Variants in SNX20 observed in about 807,000 individuals in gnomAD.
SNX20 encodes sorting nexin-20.
In SNX20, 21 loss-of-function variants were observed where a neutral mutation model predicts 24.5. The observed-to-expected ratio is 0.86, with a 90% CI of 0.61 to 1.23. The LOEUF (loss-of-function observed/expected upper bound fraction) is 1.23, where lower values mean the gene tolerates loss of function less well. SNX20 is among the 50% of genes most tolerant of loss of function. SNX20 has a pLI of 0.00. For synonymous variants in SNX20, 206 were observed against 192.8 expected (o/e 1.07, Z -0.57); for missense variants, 433 against 430.8 (o/e 1.00, Z -0.04).
downstream of SNX20, chr16:50,671,533 A>G (rs990434480): frequency 6.6e-6 from 1 of 152,096 alleles, no homozygotes; most frequent in African/African-American, 2.4e-5. Context: ...TAAACTGTCC[A>G]TGTTGGGTAT....
At position 50,673,446 on chromosome 16, in the gene SNX20, A is replaced by G. The variant is rs368969544; in HGVS notation, c.911T>C (p.Ile304Thr). 4 of 1,591,718 alleles carry G rather than the reference A, an allele frequency of 2.5e-6. No individual in the cohort carries two copies. The highest frequency in any genetic ancestry group is 2.6e-6 in the Non-Finnish European group (3 of 1,170,052). ...TCGCACAGTGAGCTCCTTCAGGGTG[A>G]TGCCTCGGGGCGTGGGCCTCCGGAG... ...SQLRRPTPRG[I>T]TLKELTVREY... Residue 304 changes from isoleucine (I) to threonine (T), a missense_variant, in exon 4 of 4, where the codon ATC becomes ACC. Transcript: ENST00000330943. This position sits in a 1 kb window ranked among gnomAD's most constrained non-coding sequence, Gnocchi z 4.1.
downstream of SNX20, chr16:50,666,835 T>C (rs541813975): frequency 6.6e-6 from 1 of 152,252 alleles, no homozygotes; most frequent in African/African-American, 2.4e-5. Flanking sequence ...TCCTCTGAGG[T>C]TGCTGGAGCT....
chr16:50,670,670 G>A (rs1335373491), downstream of SNX20: 1 of 152,290 alleles, frequency 6.6e-6, no homozygotes, highest in African/African-American at 2.4e-5. Context: ...AGGAATTCAA[G>A]GACTTGTTCC....
intron 2 of SNX20, among the ~76,000 whole-genome samples, chr16:50,676,399 C>G (rs1005218641): frequency 6.6e-6 from 1 of 152,070 alleles, no homozygotes; most frequent in Admixed American, 6.5e-5. Context: ...CCTTCCTAAC[C>G]TTCTCATCTA....
At chr16:50,680,106 G>A (rs1437061570) in intron 1 of SNX20, among the ~76,000 whole-genome samples, 1 of 152,174 alleles carries the variant, frequency 6.6e-6, no homozygotes, top group East Asian at 1.9e-4. Context: ...TCTCTTACAG[G>A]TTTCATTGGG....
At chr16:50,674,603 A>G (rs1263726606) in intron 3 of SNX20, among the ~76,000 whole-genome samples, 1 of 152,130 alleles carries the variant, frequency 6.6e-6, no homozygotes, top group Non-Finnish European at 1.5e-5. Flanking sequence ...GAACAACAAC[A>G]CAGCAAGGTG....
intron 1 of SNX20, among the ~76,000 whole-genome samples, chr16:50,679,550 C>T (rs919165759): frequency 5.3e-5 from 8 of 152,218 alleles, no homozygotes; most frequent in African/African-American, 1.4e-4. Flanking sequence ...CAGGGCTGCA[C>T]GTTCTTGAGC....
At chr16:50,668,821 G>A (rs1243055999), downstream of SNX20, 2 of 1,291,582 alleles carry the variant, frequency 1.5e-6, no homozygotes. Flanking sequence ...CAGAGTTCCA[G>A]CTATGGGGAC....
At chr16:50,677,311 T>C (rs995599722) in intron 2 of SNX20, 86 bp downstream of exon 2, 7 of 1,427,788 alleles carry the variant, frequency 4.9e-6, no homozygotes, top group Non-Finnish European at 6.5e-6. Context: ...CCGGGCCTCT[T>C]GCTGCATCCC....
At chr16:50,669,152 T>A, downstream of SNX20, 1 of 1,197,862 alleles carries the variant, frequency 8.3e-7, no homozygotes, top group Non-Finnish European at 1.2e-6. Flanking sequence ...TCCCCATCTG[T>A]AAACAGAGGT....
At position 50,677,302 on chromosome 16, in the gene SNX20, C is replaced by T. The variant is rs1963202518; in HGVS notation, c.130+95G>A. 4.9e-6 allele frequency: 7 copies of T among 1,414,584 alleles called. No homozygotes were observed. In the South Asian group the frequency reaches 9.2e-5, roughly 19 times the overall value. 87.6% of individuals were successfully genotyped at this position (1,414,584 alleles called of 1,614,324 possible). A position where few individuals can be genotyped will look rare whatever the true frequency, so the allele number is the denominator to read the frequency against. On this transcript the variant is annotated intron_variant, in intron 2 of 3. Transcript: ENST00000330943. ...GATAACCCAAGTTACAAGAGCTGCC[C>T]GGGCCTCTTGCTGCATCCCCCAAAG...
chr16:50,669,248 A>C, downstream of SNX20: 1 of 688,932 alleles, frequency 1.5e-6, no homozygotes, highest in African/African-American at 1.8e-5. Flanking sequence ...TAAAGAAAAG[A>C]GGGTTATTTG....
Position 50,673,582 on chromosome 16 carries a change from C to T in SNX20, c.775G>A (p.Ala259Thr). 1 of 1,595,020 alleles carries T rather than the reference C, an allele frequency of 6.3e-7. No homozygotes were observed. Among genetic ancestry groups the T allele is most frequent in the African/African-American group, 1.4e-5 (1 of 73,374 alleles). Residue 259 changes from alanine to threonine, a missense_variant, in exon 4 of 4, where the codon GCC becomes ACC. Transcript: ENST00000330943. The surrounding 1 kb of genome is among the most constrained non-coding windows in gnomAD (Gnocchi z 4.1). ...AGERALQRLQ[A>T]REGHRYYAPL... ...GCATAGTAGCGATGGCCCTCCCGGG[C>T]CTGCAGGCGCTGCAGGGCCCTCTCT...
chr16:50,670,778 T>A (rs1963029647), downstream of SNX20: 1 of 152,194 alleles, frequency 6.6e-6, no homozygotes, highest in South Asian at 2.1e-4. Context: ...TCAGACAACT[T>A]GTAGTGGATG....
In SNX20 at chr16:50,674,026, C is replaced by A; in HGVS notation, c.331G>T (p.Ala111Ser). The A allele has an allele frequency of 6.2e-7, 1 of 1,610,084 alleles. No individual in the cohort carries two copies. The highest frequency in any genetic ancestry group is 8.5e-7 in the Non-Finnish European group (1 of 1,178,168). Reference protein sequence around the residue: ...IQTGSFDNNKAVLERRYSDFA... With the variant: ...IQTGSFDNNKSVLERRYSDFA... ...TCGGAATAGCGCCGTTCCAGGACGG[C>A]CTTGTTGTTGTCAAAGCTCCCAGTC... The change falls in exon 4 of 4, where the codon GCC (alanine) becomes TCC (serine). Residue 111 changes from alanine (A) to serine (S), a missense_variant. Ala to Ser is a moderately conservative substitution (Grantham distance 99). Transcript: ENST00000330943.
intron 2 of SNX20, among the ~76,000 whole-genome samples, chr16:50,676,871 T>C (rs1487752173): frequency 6.6e-6 from 1 of 152,222 alleles, no homozygotes; most frequent in Non-Finnish European, 1.5e-5. Context: ...TAAGAAAAGA[T>C]CTGTTCCAGG....
Position 50,674,318 on chromosome 16 carries a change from T to C in SNX20, c.283-244A>G, listed in dbSNP as rs984831682. ...AGGCTGGAGTACAGTGATGCGATCA[T>C]ACCTCACTGCAACCTTGAACTTATG... On this transcript the variant is annotated intron_variant, in intron 3 of 3. Coordinates refer to ENST00000330943, the MANE Select transcript of SNX20 (RefSeq NM_182854.4). 2.7e-4 allele frequency among the ~76,000 whole-genome samples: 41 copies of C among 152,056 alleles called. 1 individual carries two copies. The highest frequency in any genetic ancestry group is 9.9e-4 in the African/African-American group (41 of 41,374).
chr16:50,673,678 C>T lies in SNX20; in HGVS notation c.679G>A (p.Val227Ile). 1 of 1,494,504 alleles carries T rather than the reference C, an allele frequency of 6.7e-7. No homozygotes were observed. The highest frequency in any genetic ancestry group is 8.8e-7 in the Non-Finnish European group (1 of 1,130,838). The allele number at this position is 1,494,504 out of a possible 1,614,324, so 92.6% of individuals were successfully genotyped here. Residue 227 changes from valine to isoleucine, a missense_variant, in exon 4 of 4, where the codon GTC (valine) becomes ATC (isoleucine). By Grantham distance (29) the Val-to-Ile change is conservative. Transcript: ENST00000330943. The surrounding 1 kb of genome is among the most constrained non-coding windows in gnomAD (Gnocchi z 4.1). ...KLTAHCPAAA[V>I]PALCAVLLCH... Reference sequence around the variant, plus strand: ...AGCAGCACGGCGCACAGGGCCGGGACGGCGGCCGCAGGGCAGTGGGCGGTG... The same window carrying T: ...AGCAGCACGGCGCACAGGGCCGGGATGGCGGCCGCAGGGCAGTGGGCGGTG...
rs1963119661 is a variant in SNX20, at chr16:50,673,906, C to T, written c.451G>A (p.Glu151Lys). The T allele has an allele frequency of 1.2e-6, 2 of 1,611,462 alleles. No homozygotes were observed. The highest frequency in any genetic ancestry group is 2.2e-5 in the East Asian group (1 of 44,750). ...PRKHLTGNFA[E>K]EMICERRRAL... ...CGCCGACGCTCACAGATCATCTCCT[C>T]AGCGAAGTTCCCAGTCAGGTGCTTC... Residue 151 changes from glutamate (E) to lysine (K), a missense_variant, in exon 4 of 4, where the codon GAG (glutamate) becomes AAG (lysine). Transcript: ENST00000330943. The surrounding 1 kb of genome is among the most constrained non-coding windows in gnomAD (Gnocchi z 4.1).
Sources: gnomAD v4.1 joint callset for allele counts (sites outside exome capture counted in the v4.1 genomes callset) on GRCh38, gnomAD v4.1.1 for gene constraint, Gnocchi (gnomAD v3.1) non-coding constraint, MANE v1.5 for transcripts, NCBI Gene and HGNC (gene_info 2026-07-23, HGNC 2026-07-21) for gene names.